WDR70: variants seen among roughly 807,000 people sequenced by gnomAD.
WDR70 encodes WD repeat-containing protein 70.
In WDR70, 53 loss-of-function variants were observed where a neutral mutation model predicts 88.6. The ratio of observed to expected loss-of-function variants is 0.60; its 90% CI spans 0.48 to 0.75. WDR70 has a LOEUF of 0.75. WDR70 is among the 30% of genes least tolerant of loss of function. WDR70 has a pLI of 0.00. For missense variants in WDR70, 610 were observed against 823.2 expected (o/e 0.74, Z 3.17); for synonymous variants, 280 against 270.0 (o/e 1.04, Z -0.36).
chr5:37,532,942 C>G (rs1045170630), intron 9 of WDR70, among the ~76,000 whole-genome samples: 1 of 152,104 alleles, frequency 6.6e-6, no homozygotes, highest in Non-Finnish European at 1.5e-5. Context: ...ATTCTTCTGT[C>G]CCATGGGGTG....
intron 10 of WDR70, among the ~76,000 whole-genome samples, chr5:37,614,369 C>G (rs575891785): frequency 6.6e-6 from 1 of 152,160 alleles, no homozygotes; most frequent in Non-Finnish European, 1.5e-5. Flanking sequence ...CTAGGATAAT[C>G]TCCCTATTTT....
At chr5:37,719,568 A>G (rs540700385) in intron 13 of WDR70, among the ~76,000 whole-genome samples, 1 of 152,182 alleles carries the variant, frequency 6.6e-6, no homozygotes, top group East Asian at 1.9e-4. Context: ...GCTGATGGGG[A>G]AAACACAGCC....
At chr5:37,480,270 C>T (rs141252290) in intron 8 of WDR70, among the ~76,000 whole-genome samples, 18 of 152,284 alleles carry the variant, frequency 1.2e-4, no homozygotes, top group African/African-American at 4.3e-4. Context: ...ACTTCTACCC[C>T]ACCCCTTCCC....
chr5:37,701,786 A>G (rs1379844809), intron 12 of WDR70, among the ~76,000 whole-genome samples: 11 of 17,564 alleles, frequency 6.3e-4, no homozygotes, highest in Non-Finnish European at 1.8e-3. Flanking sequence ...ACTCCATCTC[A>G]AAAAAAAAAA....
chr5:37,492,299 G>T (rs1029493890), intron 8 of WDR70, among the ~76,000 whole-genome samples: 2 of 152,158 alleles, frequency 1.3e-5, no homozygotes, highest in Admixed American at 1.3e-4. Context: ...GAAGAACATG[G>T]CTTTTAACAT....
chr5:37,744,151 C>A (rs1463959547), intron 17 of WDR70, among the ~76,000 whole-genome samples: 1 of 152,062 alleles, frequency 6.6e-6, no homozygotes, highest in African/African-American at 2.4e-5. Flanking sequence ...CTGAAGTGAA[C>A]CCCCAGCAAA....
At chr5:37,446,216 G>A (rs1407923522) in intron 7 of WDR70, among the ~76,000 whole-genome samples, 1 of 152,096 alleles carries the variant, frequency 6.6e-6, no homozygotes, top group Non-Finnish European at 1.5e-5. Flanking sequence ...GAAATACCTA[G>A]GAATGCAACT....
intron 10 of WDR70, among the ~76,000 whole-genome samples, chr5:37,631,066 T>C (rs1744801307): frequency 6.6e-6 from 1 of 152,206 alleles, no homozygotes; most frequent in Non-Finnish European, 1.5e-5. Context: ...CAGGCAGATC[T>C]GATCCAGGTC....
intron 8 of WDR70, among the ~76,000 whole-genome samples, chr5:37,504,109 G>A (rs1740482987): frequency 6.6e-6 from 1 of 152,098 alleles, no homozygotes; most frequent in Non-Finnish European, 1.5e-5. Flanking sequence ...TATACAGTAT[G>A]AATAATAGGT....
chr5:37,734,599 G>T (rs1224633251), intron 17 of WDR70, among the ~76,000 whole-genome samples: 1 of 152,022 alleles, frequency 6.6e-6, no homozygotes, highest in South Asian at 2.1e-4. Context: ...ATAAAAGGGG[G>T]ACATAGATAA....
At chr5:37,455,867 AG>A (rs1365070857) in intron 7 of WDR70, among the ~76,000 whole-genome samples, 3 of 152,004 alleles carry the variant, frequency 2.0e-5, no homozygotes, top group African/African-American at 7.2e-5. Context: ...GCCCCTTTGC[AG>A]TCAGTCCCTC....
At chr5:37,447,360 C>T (rs904619886) in intron 7 of WDR70, among the ~76,000 whole-genome samples, 2 of 152,120 alleles carry the variant, frequency 1.3e-5, no homozygotes, top group Non-Finnish European at 2.9e-5. Flanking sequence ...CTAGTTCAAC[C>T]ATTGTGGAAG....
chr5:37,564,220 C>G (rs957932198), intron 9 of WDR70, among the ~76,000 whole-genome samples: 4 of 152,072 alleles, frequency 2.6e-5, no homozygotes, highest in African/African-American at 7.2e-5. Context: ...CGCCACTGCA[C>G]TCCAGCCTGG....
At chr5:37,546,685 G>A (rs1371584303) in intron 9 of WDR70, among the ~76,000 whole-genome samples, 1 of 152,194 alleles carries the variant, frequency 6.6e-6, no homozygotes, top group Non-Finnish European at 1.5e-5. Context: ...TTGGGAGGCT[G>A]AGGCGGGCGG....
chr5:37,531,990 A>G (rs1741506743), intron 9 of WDR70, among the ~76,000 whole-genome samples: 1 of 152,120 alleles, frequency 6.6e-6, no homozygotes. Context: ...TTATCTAGAA[A>G]AGACTGTACC....
intron 10 of WDR70, among the ~76,000 whole-genome samples, chr5:37,629,682 T>C (rs76059357): frequency 0.14 from 20,883 of 152,210 alleles, 1,649 homozygotes; most frequent in South Asian, 0.27. Flanking sequence ...ATAAGTTGTT[T>C]TCCTGATTTT....
chr5:37,491,123 G>C (rs1740056125), intron 8 of WDR70, among the ~76,000 whole-genome samples: 1 of 152,120 alleles, frequency 6.6e-6, no homozygotes, highest in Non-Finnish European at 1.5e-5. Flanking sequence ...AGGATTGCAG[G>C]TATCTACAGG....
chr5:37,583,244 G>A (rs774704060), intron 9 of WDR70, among the ~76,000 whole-genome samples: 5 of 152,084 alleles, frequency 3.3e-5, no homozygotes, highest in Admixed American at 1.3e-4. Context: ...GGCTAACACC[G>A]TGAAACCCCT....
intron 5 of WDR70, among the ~76,000 whole-genome samples, chr5:37,416,581 T>C (rs1364591176): frequency 6.8e-6 from 1 of 146,538 alleles, no homozygotes; most frequent in Non-Finnish European, 1.5e-5. Context: ...GGGAGAGGGC[T>C]TCTTTTTTTT....
Sources: allele counts gnomAD v4.1 joint callset (sites outside exome capture counted in the v4.1 genomes callset), GRCh38; gene constraint gnomAD v4.1.1; transcripts MANE v1.5; gene names NCBI Gene and HGNC (gene_info 2026-07-23, HGNC 2026-07-21).